PRUNE2: variants seen among roughly 807,000 people sequenced by gnomAD.
PRUNE2 encodes the protein protein prune homolog 2.
A neutral mutation model predicts 252.0 loss-of-function variants in PRUNE2; 164 were observed. The ratio of observed to expected loss-of-function variants is 0.65; its 90% CI spans 0.57 to 0.74. The LOEUF (loss-of-function observed/expected upper bound fraction) is 0.74. PRUNE2 is among the 30% of genes least tolerant of loss of function. The probability of loss-of-function intolerance (pLI) is 0.00; values close to 1 mark genes in which losing one functional copy is unlikely to be tolerated. For missense variants in PRUNE2, 3,495 were observed against 3,711.0 expected, an observed-to-expected ratio of 0.94 and a Z score of 1.51; for synonymous variants, 1,292 against 1,350.2, an observed-to-expected ratio of 0.96 and a Z score of 0.94.
chr9:76,670,923 A>C (rs1441418143), intron 9 of PRUNE2, among the ~76,000 whole-genome samples: 2 of 152,056 alleles, frequency 1.3e-5, no homozygotes, highest in African/African-American at 2.4e-5. Context: ...ATCAAAGACC[A>C]AAAGTAGATA....
intron 9 of PRUNE2, among the ~76,000 whole-genome samples, chr9:76,670,803 A>G (rs539396023): frequency 1.1e-4 from 16 of 151,928 alleles, no homozygotes; most frequent in African/African-American, 9.6e-5. Context: ...CTGACACCTC[A>G]CACGGCAGGG....
chr9:76,703,878 C>A lies in PRUNE2; in HGVS notation c.7735G>T (p.Val2579Leu), dbSNP rs776680645. ...TGCAGCCCTGTTTCTTTGGAACCTA[C>A]ATACAATTCTAATTCAGCTATGCTT... ...RESIAELELY[V>L]GSKETGLQGT... The change falls in exon 9 of 19, where the codon GTA becomes TTA. Residue 2579 changes from valine (V) to leucine (L), a missense_variant. Coordinates refer to ENST00000376718, the MANE Select transcript of PRUNE2 (RefSeq NM_015225.3). 9 of 1,613,786 alleles carry A rather than the reference C, an allele frequency of 5.6e-6. No individual in the cohort carries two copies. Among genetic ancestry groups the A allele is most frequent in the Non-Finnish European group, 5.9e-6 (7 of 1,179,864 alleles).
intron 1 of PRUNE2, among the ~76,000 whole-genome samples, chr9:76,892,809 CTCT>C (rs1275102388): frequency 6.6e-6 from 1 of 151,994 alleles, no homozygotes; most frequent in African/African-American, 2.4e-5. Context: ...TTCAGCTTTC[CTCT>C]ATTTGCCAAA....
At chr9:76,820,279 T>G (rs545987387) in intron 6 of PRUNE2, among the ~76,000 whole-genome samples, 1 of 152,360 alleles carries the variant, frequency 6.6e-6, no homozygotes, top group East Asian at 1.9e-4. Context: ...ATTACTTGCT[T>G]TTTATGTATT....
chr9:76,644,841 G>C lies in PRUNE2; in HGVS notation c.8626C>G (p.Arg2876Gly), dbSNP rs372423853. The C allele has an allele frequency of 1.2e-6, 2 of 1,613,676 alleles. No homozygotes were observed. Among genetic ancestry groups the C allele is most frequent in the African/African-American group, 2.7e-5 (2 of 74,872 alleles). Residue 2876 changes from arginine (R) to glycine (G), a missense_variant, in exon 12 of 19, where the codon CGG becomes GGG. Arg to Gly is a moderately radical substitution (Grantham distance 125). Transcript: ENST00000376718. ...SIPEYTAEEE[R>G]EDNRLWRTVV... Reference sequence around the variant, plus strand: ...GTCCTCCAAAGCCGGTTGTCCTCCCGTTCCTCTTCGGCCGTATATTCTGGA... The same window carrying C: ...GTCCTCCAAAGCCGGTTGTCCTCCCCTTCCTCTTCGGCCGTATATTCTGGA...
intron 6 of PRUNE2, chr9:76,788,333 T>A (rs1022866326): frequency 5.3e-5 from 36 of 678,644 alleles, no homozygotes; most frequent in Non-Finnish European, 9.6e-5. Context: ...TTACCACAAG[T>A]AAATGATTGT....
intron 6 of PRUNE2, among the ~76,000 whole-genome samples, chr9:76,810,751 TA>T (rs1016125477): frequency 8.6e-5 from 13 of 151,250 alleles, no homozygotes; most frequent in African/African-American, 1.9e-4. Flanking sequence ...TAGCGTGTAC[TA>T]AAAAAAAAGT....
chr9:76,735,147 G>A (rs760953574), intron 6 of PRUNE2, among the ~76,000 whole-genome samples: 2 of 152,206 alleles, frequency 1.3e-5, no homozygotes, highest in Non-Finnish European at 2.9e-5. Context: ...TTGAGTCCAA[G>A]AGTATCAGAA....
At chr9:76,720,239 A>C (rs902222246) in intron 6 of PRUNE2, among the ~76,000 whole-genome samples, 1 of 152,212 alleles carries the variant, frequency 6.6e-6, no homozygotes, top group Non-Finnish European at 1.5e-5. Context: ...AGACGTATTC[A>C]AATAATACGT....
intron 5 of PRUNE2, among the ~76,000 whole-genome samples, 182 bp from the exon 6 acceptor site, chr9:76,823,908 G>C (rs754922533): frequency 6.6e-6 from 1 of 152,026 alleles, no homozygotes; most frequent in African/African-American, 2.4e-5. Context: ...GTCTGCATCA[G>C]TTAGGATCCC....
At chr9:76,749,976 C>T (rs2050472736) in intron 6 of PRUNE2, among the ~76,000 whole-genome samples, 1 of 151,930 alleles carries the variant, frequency 6.6e-6, no homozygotes, top group African/African-American at 2.4e-5. Flanking sequence ...GTGATAGGAG[C>T]GTCTTTTTGT....
At chr9:76,818,044 T>C (rs1028797671) in intron 6 of PRUNE2, among the ~76,000 whole-genome samples, 6 of 152,196 alleles carry the variant, frequency 3.9e-5, no homozygotes, top group African/African-American at 1.2e-4. Flanking sequence ...TGCTAAGCAA[T>C]ATGCTAAAGA....
At position 76,635,408 on chromosome 9, in the gene PRUNE2, C is replaced by T. The variant is rs191078937; in HGVS notation, c.9050+1063G>A. The stretch of plus-strand genomic sequence containing the variant: ...CCATCTTAAAATTATTAATTAATTT[C>T]GTCTAAAAATTCTGATAACTTCGTT... On this transcript the variant is annotated intron_variant, in intron 15 of 18. Coordinates refer to ENST00000376718, the MANE Select transcript of PRUNE2 (RefSeq NM_015225.3). Among the ~76,000 whole-genome samples the T allele has an allele frequency of 3.6e-3, 545 of 152,200 alleles. 1 individual carries two copies. Among genetic ancestry groups the T allele is most frequent in the Non-Finnish European group, 5.6e-3 (384 of 68,000 alleles).
At chr9:76,651,195 A>C (rs1388939954) in intron 11 of PRUNE2, among the ~76,000 whole-genome samples, 2 of 137,402 alleles carry the variant, frequency 1.5e-5, no homozygotes, top group African/African-American at 5.5e-5. Flanking sequence ...ACCAAATACC[A>C]CCTGTACCCC....
At position 76,734,060 on chromosome 9, in the gene PRUNE2, G is replaced by T. The variant is rs536428576; in HGVS notation, c.757-20339C>A. On this transcript the variant is annotated intron_variant, in intron 6 of 18. Transcript: ENST00000376718. ...GGGGATTCAGGTTATTCAATGGAAG[G>T]GCTACTCAAGTCTGGGCATCATGAA... Among the ~76,000 whole-genome samples, 3 of 151,980 alleles carry T rather than the reference G, an allele frequency of 2.0e-5. No individual in the cohort carries two copies. In the East Asian group the frequency reaches 5.8e-4, roughly 29 times the overall value.
Position 76,710,991 on chromosome 9 carries a change from C to T in PRUNE2, c.1283G>A (p.Ser428Asn), listed in dbSNP as rs1235825652. 2.5e-6 allele frequency: 4 copies of T among 1,611,994 alleles called. No homozygotes were observed. The highest frequency in any genetic ancestry group is 2.7e-5 in the African/African-American group (2 of 74,864). The stretch of plus-strand genomic sequence containing the variant: ...GCTGCTCCTAATGGTAGCCAGTCCG[C>T]TGTCTGGGCTAACAAGGTCTACATT... ...DANVDLVSPD[S>N]GLATIRSSRS... Residue 428 changes from serine to asparagine, a missense_variant, in exon 8 of 19, where the codon AGC becomes AAC. Ser to Asn is a conservative substitution (Grantham distance 46). Transcript: ENST00000376718.
At chr9:76,687,200 A>G (rs1010495740) in intron 9 of PRUNE2, among the ~76,000 whole-genome samples, 3 of 152,044 alleles carry the variant, frequency 2.0e-5, no homozygotes, top group Non-Finnish European at 4.4e-5. Context: ...CTCTCCTTTC[A>G]TCTCCATTTT....
chr9:76,776,893 T>TACACAC (rs541232508), intron 6 of PRUNE2, among the ~76,000 whole-genome samples: 2,771 of 115,566 alleles, frequency 0.024, 73 homozygotes, highest in Non-Finnish European at 0.03. Context: ...CCAAAACACA[T>TACACAC]ACACACACAC....
chr9:76,857,178 T>C (rs1242972026), intron 1 of PRUNE2: 1 of 455,306 alleles, frequency 2.2e-6, no homozygotes, highest in South Asian at 1.6e-5. Context: ...CCCCAGCGCA[T>C]ATACAGTTTC....
Sources: gnomAD v4.1 joint callset for allele counts (sites outside exome capture counted in the v4.1 genomes callset) on GRCh38, gnomAD v4.1.1 for gene constraint, MANE v1.5 for transcripts, NCBI Gene and HGNC (gene_info 2026-07-23, HGNC 2026-07-21) for gene names.